SLC27A6: variants seen among roughly 807,000 people sequenced by gnomAD.
SLC27A6 encodes the protein solute carrier family 27 member 6, also known as long-chain fatty acid transport protein 6.
A neutral mutation model predicts 63.9 loss-of-function variants in SLC27A6; 74 were observed. That is an observed-to-expected ratio of 1.16 (90% CI 0.96 to 1.40). SLC27A6 has a LOEUF of 1.40. Ranked by LOEUF, SLC27A6 falls within the 40% of genes most tolerant of loss-of-function variation. The pLI is 0.00. For missense variants in SLC27A6, 794 were observed against 732.9 expected, an observed-to-expected ratio of 1.08 and a Z score of -0.96; for synonymous variants, 287 against 260.8, an observed-to-expected ratio of 1.10 and a Z score of -0.97.
At chr5:128,999,922 G>C (rs1197209249) in intron 4 of SLC27A6, among the ~76,000 whole-genome samples, 1 of 152,204 alleles carries the variant, frequency 6.6e-6, no homozygotes, top group Non-Finnish European at 1.5e-5. Context: ...CTTCTGAGGA[G>C]AGAAGCAAAG....
At chr5:128,986,331 A>T (rs1449579716) in intron 2 of SLC27A6, among the ~76,000 whole-genome samples, 1 of 152,188 alleles carries the variant, frequency 6.6e-6, no homozygotes, top group Non-Finnish European at 1.5e-5. Context: ...AAGAAAGAGA[A>T]TTCAAAAGAA....
At chr5:129,030,212 G>A (rs1752372041) in intron 9 of SLC27A6, among the ~76,000 whole-genome samples, 1 of 151,866 alleles carries the variant, frequency 6.6e-6, no homozygotes, top group African/African-American at 2.4e-5. Context: ...TTTGAGATGA[G>A]GACTTTCTCT....
chr5:129,023,686 G>C lies in SLC27A6; in HGVS notation c.1231G>C (p.Gly411Arg). The stretch of plus-strand genomic sequence containing the variant: ...AGATGAACCCATGAGAAATGAGCAG[G>C]GTTGGTGTATTCATGTGAAAAAAGG... ...QKDEPMRNEQ[G>R]WCIHVKKGEP... The change falls in exon 6 of 10, where the codon GGT becomes CGT. Residue 411 changes from glycine to arginine, a missense_variant. Physicochemically the swap from Gly to Arg is moderately radical, Grantham distance 125. Transcript: ENST00000262462. 1.2e-6 allele frequency: 2 copies of C among 1,609,428 alleles called. No individual in the cohort carries two copies. Among genetic ancestry groups the C allele is most frequent in the Non-Finnish European group, 1.7e-6 (2 of 1,177,704 alleles).
At chr5:128,999,828 TGATG>T (rs1751274097) in intron 4 of SLC27A6, among the ~76,000 whole-genome samples, 1 of 152,170 alleles carries the variant, frequency 6.6e-6, no homozygotes, top group South Asian at 2.1e-4. Flanking sequence ...ACTACCAACT[TGATG>T]GGCTCCCTAC....
rs977066253 is a variant in SLC27A6 at position 129,028,098 on chromosome 5, A to G, written c.1455-247A>G. 2.0e-5 allele frequency among the ~76,000 whole-genome samples: 3 copies of G among 152,072 alleles called. No individual in the cohort carries two copies. In the South Asian group the frequency reaches 6.2e-4, roughly 32 times the overall value. ...CCTTGTAGTTATTTTATTTTTATGT[A>G]TATTATAAAACATAGAAGGTAATTT... On this transcript the variant is annotated intron_variant, in intron 7 of 9. Transcript: ENST00000262462.
chr5:129,024,405 G>C (rs1270006822), intron 6 of SLC27A6, among the ~76,000 whole-genome samples: 2 of 152,174 alleles, frequency 1.3e-5, no homozygotes, highest in East Asian at 3.9e-4. Context: ...ACTTAGAAAT[G>C]GTGCAACTTT....
At position 129,003,282 on chromosome 5, in the gene SLC27A6, C is replaced by A. The variant is rs985016043; in HGVS notation, c.970-12603C>A. Among the ~76,000 whole-genome samples the A allele has an allele frequency of 7.3e-5, 11 of 150,004 alleles. 1 individual carries two copies. The highest frequency in any genetic ancestry group is 2.7e-4 in the African/African-American group (11 of 40,570). On this transcript the variant is annotated intron_variant, in intron 4 of 9. Coordinates refer to ENST00000262462, the MANE Select transcript of SLC27A6 (RefSeq NM_001017372.3). ...TGAAAAGGAATTTGAAAGAAAGCAACTTTATTCCCGTGAACTGTTTGCAAA... is the reference window on the plus strand; with the variant it reads ...TGAAAAGGAATTTGAAAGAAAGCAAATTTATTCCCGTGAACTGTTTGCAAA...
At chr5:129,013,300 G>A (rs2150148554) in intron 4 of SLC27A6, among the ~76,000 whole-genome samples, 1 of 151,498 alleles carries the variant, frequency 6.6e-6, no homozygotes, top group East Asian at 1.9e-4. Flanking sequence ...GTTTTCTTTG[G>A]TGCTAAGAAC....
chr5:129,002,894 A>G (rs532215948), intron 4 of SLC27A6, among the ~76,000 whole-genome samples: 2 of 152,256 alleles, frequency 1.3e-5, no homozygotes, highest in Admixed American at 1.3e-4. Context: ...GGCAGCCCAC[A>G]TGGGTTTTGC....
chr5:129,016,588 TTC>T (rs1205185908), intron 5 of SLC27A6, among the ~76,000 whole-genome samples: 4 of 151,808 alleles, frequency 2.6e-5, no homozygotes, highest in Non-Finnish European at 4.4e-5. Flanking sequence ...CTTCTGTATT[TTC>T]TCTCTCATAT....
At chr5:129,001,330 C>T (rs257906) in intron 4 of SLC27A6, among the ~76,000 whole-genome samples, 34,979 of 152,064 alleles carry the variant, frequency 0.23, 5,135 homozygotes, top group East Asian at 0.71. Context: ...ACATCCTGTT[C>T]GCATTTAGTG....
At chr5:128,978,923 G>A (rs257899) in intron 1 of SLC27A6, among the ~76,000 whole-genome samples, 100,100 of 151,814 alleles carry the variant, frequency 0.66, 33,721 homozygotes, top group East Asian at 0.88. Flanking sequence ...ATTGCCTGCA[G>A]TGTTTTCAGT....
intron 8 of SLC27A6, among the ~76,000 whole-genome samples, chr5:129,028,836 G>C (rs1319377965): frequency 6.6e-6 from 1 of 151,752 alleles, no homozygotes; most frequent in Non-Finnish European, 1.5e-5. Context: ...AGTTAAGATG[G>C]CTCTTTATAA....
chr5:129,029,827 T>A (rs1752360896), intron 9 of SLC27A6, 120 bp downstream of exon 9: 2 of 855,426 alleles, frequency 2.3e-6, no homozygotes, highest in Non-Finnish European at 1.8e-6. Context: ...GCGTGGCGTG[T>A]AGAGTTGATG....
intron 1 of SLC27A6, among the ~76,000 whole-genome samples, chr5:128,976,148 T>A (rs1750369678): frequency 6.6e-6 from 1 of 152,196 alleles, no homozygotes; most frequent in Non-Finnish European, 1.5e-5. Context: ...TCATAGTATG[T>A]AGGTAAGATA....
intron 4 of SLC27A6, among the ~76,000 whole-genome samples, chr5:129,005,979 C>T (rs1751509853): frequency 6.6e-6 from 1 of 150,946 alleles, no homozygotes; most frequent in Non-Finnish European, 1.5e-5. Context: ...TGGGCCCCTG[C>T]AGGCTGTAGT....
intron 4 of SLC27A6, among the ~76,000 whole-genome samples, chr5:128,992,953 T>C (rs1751030618): frequency 2.0e-5 from 3 of 152,338 alleles, no homozygotes; most frequent in African/African-American, 7.2e-5. Flanking sequence ...AAATATTTAT[T>C]GAATGGTTGA....
At chr5:128,975,709 C>G (rs1750353043) in intron 1 of SLC27A6, among the ~76,000 whole-genome samples, 1 of 152,066 alleles carries the variant, frequency 6.6e-6, no homozygotes, top group African/African-American at 2.4e-5. Flanking sequence ...GGATTTGAGC[C>G]CATGTTTACC....
intron 6 of SLC27A6, among the ~76,000 whole-genome samples, chr5:129,025,221 A>C (rs1463258381): frequency 6.6e-6 from 1 of 152,176 alleles, no homozygotes; most frequent in Non-Finnish European, 1.5e-5. Context: ...TGTCTTCACA[A>C]TGTAAATTAT....
Sources: gnomAD v4.1 joint callset for allele counts (sites outside exome capture counted in the v4.1 genomes callset) on GRCh38, gnomAD v4.1.1 for gene constraint, MANE v1.5 for transcripts, NCBI Gene and HGNC (gene_info 2026-07-23, HGNC 2026-07-21) for gene names.